The following DLG2 variants were observed in gnomAD, a reference collection of about 807,000 sequenced individuals.
DLG2 encodes discs large MAGUK scaffold protein 2.
A neutral mutation model predicts 132.5 loss-of-function variants in DLG2; 45 were observed. The observed-to-expected ratio is 0.34, with a 90% CI of 0.27 to 0.44. DLG2 has a LOEUF of 0.44. Ranked by LOEUF, DLG2 falls within the 20% of genes least tolerant of loss-of-function variation. The pLI, the probability that DLG2 is intolerant of heterozygous loss-of-function variation, is 1.00. For missense variants in DLG2, 1,045 were observed against 1,196.9 expected (o/e 0.87, Z 1.87); for synonymous variants, 424 against 419.6 (o/e 1.01, Z -0.13).
chr11:85,599,548 G>A (rs1370629667), intron 2 of DLG2, among the ~76,000 whole-genome samples: 6 of 152,200 alleles, frequency 3.9e-5, no homozygotes, highest in East Asian at 3.9e-4. Context: ...CCTTTAACAC[G>A]TTCCTTAACC....
At chr11:83,888,819 G>A (rs1241762811) in intron 15 of DLG2, among the ~76,000 whole-genome samples, 4 of 152,254 alleles carry the variant, frequency 2.6e-5, no homozygotes, top group East Asian at 3.9e-4. Context: ...ACAACTATCT[G>A]ATCTTTGACA....
intron 10 of DLG2, among the ~76,000 whole-genome samples, chr11:84,078,587 C>T (rs2154152425): frequency 6.6e-6 from 1 of 152,076 alleles, no homozygotes; most frequent in East Asian, 1.9e-4. Flanking sequence ...AAAAGAAGAA[C>T]CATCATAAAG....
chr11:84,748,485 T>C (rs147373453), intron 6 of DLG2, among the ~76,000 whole-genome samples: 1 of 152,196 alleles, frequency 6.6e-6, no homozygotes, highest in Non-Finnish European at 1.5e-5. Flanking sequence ...GATATGGGCA[T>C]GTATTTTTGG....
chr11:84,751,206 A>C (rs1351640020), intron 6 of DLG2, among the ~76,000 whole-genome samples: 8 of 152,112 alleles, frequency 5.3e-5, no homozygotes, highest in Admixed American at 5.2e-4. Context: ...AATCAAAGAG[A>C]CCATGGGAGA....
chr11:85,454,194 C>T (rs1597456947), intron 3 of DLG2, among the ~76,000 whole-genome samples: 1 of 151,162 alleles, frequency 6.6e-6, no homozygotes, highest in East Asian at 1.9e-4. Context: ...TCTCCTCAAC[C>T]TCACCATCAT....
chr11:85,220,690 A>G (rs1339503315), intron 4 of DLG2, among the ~76,000 whole-genome samples: 1 of 151,094 alleles, frequency 6.6e-6, no homozygotes, highest in Admixed American at 6.6e-5. Context: ...TATGCTCATT[A>G]AACATTAAAA....
At chr11:83,992,291 C>T (rs2093765812) in intron 11 of DLG2, among the ~76,000 whole-genome samples, 1 of 151,948 alleles carries the variant, frequency 6.6e-6, no homozygotes, top group Non-Finnish European at 1.5e-5. Context: ...CAGAATAGGA[C>T]AAGTATAAAA....
At chr11:85,119,305 A>G (rs2074032656) in intron 5 of DLG2, among the ~76,000 whole-genome samples, 1 of 152,054 alleles carries the variant, frequency 6.6e-6, no homozygotes, top group South Asian at 2.1e-4. Context: ...TCTAAAAAAT[A>G]TAATATGGTA....
intron 8 of DLG2, among the ~76,000 whole-genome samples, chr11:84,230,370 G>A (rs2097074385): frequency 6.6e-6 from 1 of 152,034 alleles, no homozygotes; most frequent in Non-Finnish European, 1.5e-5. Flanking sequence ...TGAGGGAGGG[G>A]CAATGTTGAT....
intron 19 of DLG2, among the ~76,000 whole-genome samples, chr11:83,563,682 A>G (rs111433486): frequency 5.9e-5 from 9 of 152,336 alleles, no homozygotes; most frequent in African/African-American, 2.2e-4. Context: ...CCTACAAGGG[A>G]GTAGGGTGAA....
At chr11:83,628,251 G>A (rs1323505908) in intron 19 of DLG2, among the ~76,000 whole-genome samples, 1 of 152,012 alleles carries the variant, frequency 6.6e-6, no homozygotes, top group African/African-American at 2.4e-5. Context: ...GGCTTTTGTT[G>A]CCATTGCCAC....
intron 4 of DLG2, among the ~76,000 whole-genome samples, chr11:85,180,830 G>A (rs1254785852): frequency 6.6e-6 from 1 of 151,688 alleles, no homozygotes; most frequent in African/African-American, 2.4e-5. Flanking sequence ...AACCCAGACT[G>A]GAACTCAGTT....
intron 7 of DLG2, among the ~76,000 whole-genome samples, chr11:84,313,883 G>C (rs1374165372): frequency 1.3e-5 from 2 of 151,968 alleles, no homozygotes; most frequent in Non-Finnish European, 2.9e-5. Context: ...ACGCACTTTT[G>C]GGCACTATAA....
intron 19 of DLG2, among the ~76,000 whole-genome samples, chr11:83,620,878 A>AAAG (rs1405790127): frequency 2.7e-5 from 4 of 150,152 alleles, no homozygotes; most frequent in Non-Finnish European, 5.9e-5. Context: ...TCAAAAAAAA[A>AAAG]AAAAAAAAAA....
chr11:84,786,524 GCTTC>G (rs2153929563), intron 6 of DLG2, among the ~76,000 whole-genome samples: 1 of 152,252 alleles, frequency 6.6e-6, no homozygotes, highest in East Asian at 1.9e-4. Flanking sequence ...TTTATAACAA[GCTTC>G]TAAGATAGAG....
intron 7 of DLG2, among the ~76,000 whole-genome samples, chr11:84,397,790 C>T (rs954103277): frequency 6.6e-6 from 1 of 152,230 alleles, no homozygotes; most frequent in Non-Finnish European, 1.5e-5. Context: ...ATAAAAGCCA[C>T]TAATGTCATG....
At chr11:84,808,690 A>G (rs2076252703) in intron 6 of DLG2, among the ~76,000 whole-genome samples, 1 of 152,130 alleles carries the variant, frequency 6.6e-6, no homozygotes, top group African/African-American at 2.4e-5. Context: ...ATACACATAA[A>G]TTTGACAACT....
chr11:84,810,179 A>C (rs964997248), intron 6 of DLG2, among the ~76,000 whole-genome samples: 7 of 152,118 alleles, frequency 4.6e-5, no homozygotes, highest in Non-Finnish European at 1.0e-4. Flanking sequence ...AATACAAACT[A>C]CAGCATAGGA....
intron 16 of DLG2, among the ~76,000 whole-genome samples, chr11:83,861,926 C>T (rs950851127): frequency 6.6e-6 from 1 of 152,120 alleles, no homozygotes; most frequent in Non-Finnish European, 1.5e-5. Context: ...ACAGACACCC[C>T]GTTATCCATC....
Sources: gnomAD v4.1 joint callset for allele counts (sites outside exome capture counted in the v4.1 genomes callset) on GRCh38, gnomAD v4.1.1 for gene constraint, MANE v1.5 for transcripts, NCBI Gene and HGNC (gene_info 2026-07-23, HGNC 2026-07-21) for gene names.